The following RAB3IP variants were observed in gnomAD, a reference collection of about 807,000 sequenced individuals.
RAB3IP encodes RAB3A interacting protein.
RAB3IP carries 36 observed loss-of-function variants against 59.1 expected under a neutral mutation model. The observed-to-expected ratio is 0.61, with a 90% confidence interval of 0.47 to 0.80. The LOEUF (loss-of-function observed/expected upper bound fraction) is 0.80. RAB3IP is among the 30% of genes least tolerant of loss of function. RAB3IP has a pLI of 0.00. For missense variants in RAB3IP, 511 were observed against 536.0 expected, an observed-to-expected ratio of 0.95 and a Z score of 0.46; for synonymous variants, 207 against 191.2, an observed-to-expected ratio of 1.08 and a Z score of -0.68.
At chr12:69,793,562 C>T (rs2136227093) in intron 4 of RAB3IP, among the ~76,000 whole-genome samples, 1 of 152,206 alleles carries the variant, frequency 6.6e-6, no homozygotes, top group Admixed American at 6.5e-5. Context: ...TGCTTCCAGT[C>T]CATTCTTAAT....
At chr12:69,781,851 T>G (rs557603545) in intron 3 of RAB3IP, among the ~76,000 whole-genome samples, 1 of 152,364 alleles carries the variant, frequency 6.6e-6, no homozygotes, top group East Asian at 1.9e-4. Context: ...TGCAGGTTTT[T>G]GTGTGGACAT....
intron 8 of RAB3IP, among the ~76,000 whole-genome samples, chr12:69,805,526 A>G (rs1036573232): frequency 5.3e-5 from 8 of 152,130 alleles, no homozygotes; most frequent in African/African-American, 1.2e-4. Context: ...AGAACTTCCA[A>G]CACTATGTTG....
At chr12:69,791,391 A>G (rs1876585982) in intron 4 of RAB3IP, among the ~76,000 whole-genome samples, 1 of 152,234 alleles carries the variant, frequency 6.6e-6, no homozygotes, top group African/African-American at 2.4e-5. Flanking sequence ...CAAAATGAAG[A>G]AGCGGCATAC....
At chr12:69,770,930 G>C (rs144212191) in intron 3 of RAB3IP, among the ~76,000 whole-genome samples, 6 of 152,210 alleles carry the variant, frequency 3.9e-5, no homozygotes, top group African/African-American at 9.6e-5. Context: ...TGACCCTGCT[G>C]TGCAATAGAA....
In RAB3IP at chr12:69,800,230, G is replaced by A; in HGVS notation, c.910G>A (p.Glu304Lys). 1 of 1,559,920 alleles carries A rather than the reference G, an allele frequency of 6.4e-7. No homozygotes were observed. The highest frequency in any genetic ancestry group is 8.6e-7 in the Non-Finnish European group (1 of 1,158,442). The change falls in exon 7 of 11, where the codon GAA (glutamate) becomes AAA (lysine). Residue 304 changes from glutamate (E) to lysine (K), a missense_variant. Glu to Lys is a moderately conservative substitution (Grantham distance 56). Transcript: ENST00000247833. ...TTAGGCTGACTTATCCTTGTATAAT[G>A]AATTCCGATTGTGGAAGGATGAGCC... is the stretch of plus-strand genomic sequence containing the variant. ...CKEADLSLYNEFRLWKDEPTM... is the reference protein window; with the variant it reads ...CKEADLSLYNKFRLWKDEPTM...
rs1870088380 is a variant in RAB3IP at position 69,755,671 on chromosome 12, G to A, written c.251+12G>A. ...ATATCTAGTATCAGGTAGGAAATAA[G>A]TAAATCACTTATTTGATTTTTTTTA... is the stretch of plus-strand genomic sequence containing the variant. On this transcript the variant is annotated intron_variant, in intron 2 of 10. Coordinates refer to ENST00000247833, the MANE Select transcript of RAB3IP (RefSeq NM_022456.5). 1 of 1,586,378 alleles carries A rather than the reference G, an allele frequency of 6.3e-7. No homozygotes were observed. The highest frequency in any genetic ancestry group is 1.8e-5 in the Admixed American group (1 of 56,986).
chr12:69,801,552 A>C, intron 7 of RAB3IP, 57 bp from the exon 8 acceptor site: 1 of 1,076,422 alleles, frequency 9.3e-7, no homozygotes, highest in Non-Finnish European at 1.3e-6. Flanking sequence ...ACTGTAGAAT[A>C]CAATTTTGAT....
intron 1 of RAB3IP, among the ~76,000 whole-genome samples, chr12:69,741,998 G>A (rs570627145): frequency 6.6e-6 from 1 of 152,244 alleles, no homozygotes; most frequent in South Asian, 2.1e-4. Flanking sequence ...TCACAGTAGG[G>A]GTTAAAGGAA....
chr12:69,756,446 T>A lies in RAB3IP; in HGVS notation c.293T>A (p.Val98Asp), dbSNP rs764217145. 138 of 1,613,904 alleles carry A rather than the reference T, an allele frequency of 8.6e-5. No individual in the cohort carries two copies. The highest frequency in any genetic ancestry group is 7.5e-4 in the Admixed American group (45 of 60,000). Reference sequence around the variant, plus strand: ...CCAGCCCCTTGCTCTACCTCTGGAGTCACAGCTGGATTAACTAAATTAACT... The same window carrying A: ...CCAGCCCCTTGCTCTACCTCTGGAGACACAGCTGGATTAACTAAATTAACT... Reference protein sequence around the residue: ...TDPAPCSTSGVTAGLTKLTTR... With the variant: ...TDPAPCSTSGDTAGLTKLTTR... The change falls in exon 3 of 11, where the codon GTC (valine) becomes GAC (aspartate). Residue 98 changes from valine (V) to aspartate (D), a missense_variant. Physicochemically the swap from Val to Asp is radical, Grantham distance 152. Coordinates refer to ENST00000247833, the MANE Select transcript of RAB3IP (RefSeq NM_022456.5).
At position 69,821,461 on chromosome 12, in the gene RAB3IP, G is replaced by C. The variant is rs1881734878; in HGVS notation, c.*6015G>C. The C allele has an allele frequency of 6.6e-6, 1 of 152,132 alleles. No homozygotes were observed. Among genetic ancestry groups the C allele is most frequent in the African/African-American group, 2.4e-5 (1 of 41,408 alleles). 9.4% of individuals were successfully genotyped at this position (152,132 alleles called of 1,614,324 possible). Reference sequence around the variant, plus strand: ...ATTGTGCTCTCAGTGGAGTGCTCTGGATTCTGATTAATAGAGATTTTCTAG... The same window carrying C: ...ATTGTGCTCTCAGTGGAGTGCTCTGCATTCTGATTAATAGAGATTTTCTAG... On this transcript the variant is annotated 3_prime_UTR_variant, in exon 11 of 11. Transcript: ENST00000247833.
At chr12:69,810,957 T>A (rs1221394097) in intron 8 of RAB3IP, among the ~76,000 whole-genome samples, 1 of 152,170 alleles carries the variant, frequency 6.6e-6, no homozygotes, top group Non-Finnish European at 1.5e-5. Flanking sequence ...GAATCCTGGC[T>A]TAACTAAAAA....
intron 8 of RAB3IP, among the ~76,000 whole-genome samples, chr12:69,806,349 T>C (rs1879267127): frequency 6.6e-6 from 1 of 152,170 alleles, no homozygotes; most frequent in Non-Finnish European, 1.5e-5. Context: ...GATATCCCCT[T>C]TATCATTTTT....
Position 69,739,850 on chromosome 12 carries a change from GGATTAAAAAA to G in RAB3IP, c.-26+823_-26+832del, listed in dbSNP as rs554097102. On this transcript the variant is annotated intron_variant, in intron 1 of 10. Transcript: ENST00000247833. The stretch of plus-strand genomic sequence containing the variant: ...ATGTGAAGAGTTGCCGGTTGTTATG[GGATTAAAAAA>G]GATGAAAGGGTAAGGTCTTGAAAGA... 6.4e-4 allele frequency: 1,037 copies of G among 1,614,078 alleles called. 5 individuals carry two copies. In the African/African-American group the frequency reaches 0.011, roughly 17 times the overall value.
rs974051311 is a variant in RAB3IP, at chr12:69,823,153, A to C, written c.*7707A>C. 6.6e-6 allele frequency: 1 copy of C among 152,160 alleles called. No individual in the cohort carries two copies. Among genetic ancestry groups the C allele is most frequent in the African/African-American group, 2.4e-5 (1 of 41,430 alleles). The allele number at this position is 152,160 out of a possible 1,614,324, so 9.4% of individuals were successfully genotyped here. ...CATTGTGTACCCCATGAATATGGGC[A>C]ATTATTATTTGTTAATTAAAAAAAT... On this transcript the variant is annotated 3_prime_UTR_variant, in exon 11 of 11. Transcript: ENST00000247833.
intron 3 of RAB3IP, among the ~76,000 whole-genome samples, chr12:69,766,309 T>G (rs1872185130): frequency 6.6e-6 from 1 of 152,206 alleles, no homozygotes; most frequent in South Asian, 2.1e-4. Flanking sequence ...GTTTGTTTCT[T>G]TTATGTAATC....
chr12:69,809,715 G>T (rs1350675434), intron 8 of RAB3IP, among the ~76,000 whole-genome samples: 3 of 152,014 alleles, frequency 2.0e-5, no homozygotes, highest in Non-Finnish European at 2.9e-5. Flanking sequence ...TTGTGCATTC[G>T]TCACGTAGTT....
intron 1 of RAB3IP, among the ~76,000 whole-genome samples, chr12:69,740,748 C>G (rs1016116640): frequency 1.3e-5 from 2 of 152,220 alleles, no homozygotes; most frequent in Admixed American, 6.5e-5. Context: ...CCAACACACA[C>G]ATCCTCTACA....
rs1881881943 is a variant in RAB3IP at position 69,822,699 on chromosome 12, ATGTT to A, written c.*7256_*7259del. The A allele has an allele frequency of 6.6e-6, 1 of 152,176 alleles. No individual in the cohort carries two copies. Among genetic ancestry groups the A allele is most frequent in the African/African-American group, 2.4e-5 (1 of 41,434 alleles). 9.4% of individuals were successfully genotyped at this position (152,176 alleles called of 1,614,324 possible). On this transcript the variant is annotated 3_prime_UTR_variant, in exon 11 of 11. Coordinates refer to ENST00000247833, the MANE Select transcript of RAB3IP (RefSeq NM_022456.5). Reference sequence around the variant, plus strand: ...GGAATGTTCTCAACACAAATGATAAATGTTTGAGGTGATGGATACCCCAATTACC... The same window carrying A: ...GGAATGTTCTCAACACAAATGATAAATGAGGTGATGGATACCCCAATTACC...
chr12:69,791,393 G>C (rs1156387719), intron 4 of RAB3IP, among the ~76,000 whole-genome samples: 3 of 152,118 alleles, frequency 2.0e-5, no homozygotes, highest in African/African-American at 7.2e-5. Context: ...AAATGAAGAA[G>C]CGGCATACTG....
Sources: allele counts gnomAD v4.1 joint callset (sites outside exome capture counted in the v4.1 genomes callset), GRCh38; gene constraint gnomAD v4.1.1; transcripts MANE v1.5; gene names NCBI Gene and HGNC (gene_info 2026-07-23, HGNC 2026-07-21).